Variants in SLC44A1 observed in about 807,000 individuals in gnomAD.
The protein encoded by SLC44A1 is choline transporter-like protein 1.
In SLC44A1, 26 loss-of-function variants were observed where a neutral mutation model predicts 79.3. The observed-to-expected ratio is 0.33, with a 90% CI of 0.24 to 0.46. The LOEUF (loss-of-function observed/expected upper bound fraction) is 0.46, where lower values mean the gene tolerates loss of function less well. Among genes scored for constraint, SLC44A1 ranks in the 20% least tolerant of loss-of-function variants. The probability of loss-of-function intolerance (pLI) is 1.00; values close to 1 mark genes in which losing one functional copy is unlikely to be tolerated. For missense variants in SLC44A1, 688 were observed against 798.1 expected, an observed-to-expected ratio of 0.86 and a Z score of 1.66; for synonymous variants, 263 against 286.2, an observed-to-expected ratio of 0.92 and a Z score of 0.82.
chr9:105,309,170 CA>C (rs1226850969), intron 2 of SLC44A1, among the ~76,000 whole-genome samples: 1 of 150,094 alleles, frequency 6.7e-6, no homozygotes, highest in Non-Finnish European at 1.5e-5. Flanking sequence ...GATAATGATT[CA>C]AAACCCACGT....
chr9:105,365,611 T>C lies in SLC44A1; in HGVS notation c.1382T>C (p.Met461Thr), dbSNP rs1827916774. The change falls in exon 11 of 16, where the codon ATG becomes ACG. Residue 461 changes from methionine to threonine, a missense_variant. Met to Thr is a moderately conservative substitution (Grantham distance 81, BLOSUM62 -1). Transcript: ENST00000374720. ...GTCAAAATTCCGCGAATGATCCTTATGTATATTCACAGTCAGCTCAAAGGA... is the reference window on the plus strand; with the variant it reads ...GTCAAAATTCCGCGAATGATCCTTACGTATATTCACAGTCAGCTCAAAGGA... ...TLVKIPRMIL[M>T]YIHSQLKGKE... 1 of 1,613,930 alleles carries C rather than the reference T, an allele frequency of 6.2e-7. No individual in the cohort carries two copies. The highest frequency in any genetic ancestry group is 1.7e-5 in the Admixed American group (1 of 60,026).
chr9:105,338,171 G>A (rs907230), intron 4 of SLC44A1, among the ~76,000 whole-genome samples: 27,123 of 152,054 alleles, frequency 0.18, 3,412 homozygotes, highest in African/African-American at 0.36. Context: ...TAGAAAAGCT[G>A]TAAAATTATA....
chr9:105,279,051 A>AC (rs1830282953), intron 1 of SLC44A1, among the ~76,000 whole-genome samples: 1 of 151,914 alleles, frequency 6.6e-6, no homozygotes, highest in Admixed American at 6.6e-5. Flanking sequence ...TTGCCCTTCA[A>AC]CCCGGGAACC....
At chr9:105,263,187 T>C (rs1046672686) in intron 1 of SLC44A1, among the ~76,000 whole-genome samples, 13 of 152,234 alleles carry the variant, frequency 8.5e-5, no homozygotes, top group African/African-American at 1.4e-4. Context: ...GTTCAGTCTT[T>C]GTTTAAACAC....
chr9:105,247,941 C>G (rs1400349489), intron 1 of SLC44A1, among the ~76,000 whole-genome samples: 1 of 152,186 alleles, frequency 6.6e-6, no homozygotes, highest in African/African-American at 2.4e-5. Context: ...TTTTCTATAT[C>G]CCTTCCTGTT....
At chr9:105,260,553 A>T (rs1286161224) in intron 1 of SLC44A1, among the ~76,000 whole-genome samples, 7 of 152,212 alleles carry the variant, frequency 4.6e-5, no homozygotes, top group African/African-American at 1.7e-4. Context: ...GTTCTTCTTT[A>T]AGATATTGGC....
intron 3 of SLC44A1, among the ~76,000 whole-genome samples, 172 bp from the exon 4 acceptor site, chr9:105,335,391 A>G (rs73512040): frequency 0.015 from 2,314 of 152,282 alleles, 57 homozygotes; most frequent in African/African-American, 0.053. Flanking sequence ...CAATTCCCCT[A>G]TTCCCACTGT....
chr9:105,256,944 A>G (rs1829723455), intron 1 of SLC44A1, among the ~76,000 whole-genome samples: 1 of 150,680 alleles, frequency 6.6e-6, no homozygotes, highest in African/African-American at 2.4e-5. Context: ...CCACCACGAC[A>G]GAGGGCTAAT....
chr9:105,380,794 T>C lies in SLC44A1; in HGVS notation c.1633-2329T>C, dbSNP rs372234219. Among the ~76,000 whole-genome samples, 63 of 152,302 alleles carry C rather than the reference T, an allele frequency of 4.1e-4. No individual in the cohort carries two copies. In the East Asian group the frequency reaches 8.7e-3, roughly 21 times the overall value. ...AGTACTTCTTGAGACATAGTCTTTA[T>C]CAGCACCTGGGATACTTTTTAAATG... On this transcript the variant is annotated intron_variant, in intron 13 of 15. Transcript: ENST00000374720.
At chr9:105,377,587 C>G (rs893694227) in intron 13 of SLC44A1, among the ~76,000 whole-genome samples, 5 of 150,406 alleles carry the variant, frequency 3.3e-5, no homozygotes, top group African/African-American at 1.2e-4. Flanking sequence ...AACCTCATCT[C>G]TACTAAAAAA....
At chr9:105,347,865 T>C (rs991546648) in intron 4 of SLC44A1, among the ~76,000 whole-genome samples, 3 of 152,070 alleles carry the variant, frequency 2.0e-5, no homozygotes, top group African/African-American at 4.8e-5. Context: ...CATTTAGTAA[T>C]TGAAAGCATA....
intron 4 of SLC44A1, 117 bp downstream of exon 4, chr9:105,335,816 G>A (rs1180941736): frequency 1.0e-6 from 1 of 980,338 alleles, no homozygotes; most frequent in East Asian, 2.7e-5. Context: ...AAGTAATTTT[G>A]GACTTCCTTG....
At chr9:105,264,060 CT>C (rs1829904093) in intron 1 of SLC44A1, among the ~76,000 whole-genome samples, 1 of 152,180 alleles carries the variant, frequency 6.6e-6, no homozygotes, top group Non-Finnish European at 1.5e-5. Flanking sequence ...ATTGAGCTGT[CT>C]TCCAACACCA....
intron 3 of SLC44A1, among the ~76,000 whole-genome samples, chr9:105,329,955 A>T (rs935399603): frequency 1.3e-5 from 2 of 152,048 alleles, no homozygotes; most frequent in African/African-American, 4.8e-5. Flanking sequence ...CTTGCCTCCT[A>T]TCACATGGTT....
intron 4 of SLC44A1, among the ~76,000 whole-genome samples, chr9:105,336,810 C>T (rs1420720905): frequency 6.6e-6 from 1 of 152,166 alleles, no homozygotes; most frequent in Non-Finnish European, 1.5e-5. Context: ...GTTCCATGCC[C>T]TCAGCATAGG....
rs1007317732 is a variant in SLC44A1 at position 105,394,065 on chromosome 9, C to T, written c.*5009C>T. 2 of 984,900 alleles carry T rather than the reference C, an allele frequency of 2.0e-6. No homozygotes were observed. Among genetic ancestry groups the T allele is most frequent in the African/African-American group, 3.5e-5 (2 of 57,230 alleles). The allele number at this position is 984,900 out of a possible 1,614,324, so 61.0% of individuals were successfully genotyped here. On this transcript the variant is annotated 3_prime_UTR_variant, in exon 16 of 16. Transcript: ENST00000374720. ...ATGGACTATCTTTCCTTCAAATGCACATCACATGTCTGTGAACACTCAAAA... is the reference window on the plus strand; with the variant it reads ...ATGGACTATCTTTCCTTCAAATGCATATCACATGTCTGTGAACACTCAAAA...
intron 3 of SLC44A1, among the ~76,000 whole-genome samples, chr9:105,329,046 G>T (rs931856102): frequency 1.3e-5 from 2 of 152,114 alleles, no homozygotes; most frequent in African/African-American, 4.8e-5. Flanking sequence ...GAAATAAGAG[G>T]CCTCCTCTGG....
At chr9:105,285,582 G>T (rs184212673) in intron 1 of SLC44A1, among the ~76,000 whole-genome samples, 2 of 152,208 alleles carry the variant, frequency 1.3e-5, no homozygotes, top group Non-Finnish European at 2.9e-5. Flanking sequence ...GTCAGCAAAG[G>T]GTGGTAGATT....
Position 105,326,120 on chromosome 9 carries a change from G to A in SLC44A1, c.270-9443G>A, listed in dbSNP as rs12551215. ...AGGTCTTGCTTTGTCACCTAGGTTG[G>A]AGTGCAGTGGTACCACCTTGGTTCA... On this transcript the variant is annotated intron_variant, in intron 3 of 15. Transcript: ENST00000374720. Among the ~76,000 whole-genome samples the A allele has an allele frequency of 9.3e-3, 1,413 of 152,250 alleles. 11 individuals are homozygous for A. Among genetic ancestry groups the A allele is most frequent in the Middle Eastern group, 0.054 (16 of 294 alleles).
Sources: gnomAD v4.1 joint callset for allele counts (sites outside exome capture counted in the v4.1 genomes callset) on GRCh38, gnomAD v4.1.1 for gene constraint, MANE v1.5 for transcripts, NCBI Gene and HGNC (gene_info 2026-07-23, HGNC 2026-07-21) for gene names.